The following TBL1X variants were observed in gnomAD, a reference collection of about 807,000 sequenced individuals.
TBL1X encodes transducin beta like 1 X-linked.
In TBL1X, 10 loss-of-function variants were observed where a neutral mutation model predicts 50.7. That is an observed-to-expected ratio of 0.20 (90% CI 0.12 to 0.33). The LOEUF is 0.33. TBL1X is among the 10% of genes least tolerant of loss of function. TBL1X has a pLI of 1.00. For missense variants in TBL1X, 340 were observed against 504.4 expected (o/e 0.67, Z 3.12); for synonymous variants, 190 against 214.7 (o/e 0.88, Z 1.01).
At chrX:9,555,935 C>T (rs1464486467) in intron 2 of TBL1X, among the ~76,000 whole-genome samples, 1 of 111,443 alleles carries the variant, frequency 9.0e-6, no homozygotes, top group East Asian at 2.8e-4. Flanking sequence ...CACTTGGAAT[C>T]CCAGCACTTT....
chrX:9,686,193 C>T (rs1369082757), intron 6 of TBL1X, among the ~76,000 whole-genome samples: 2 of 111,830 alleles, frequency 1.8e-5, no homozygotes, highest in Admixed American at 1.9e-4. Context: ...CACTGCAAAA[C>T]ACACACGTGT....
chrX:9,566,456 G>A (rs918946199), intron 2 of TBL1X, among the ~76,000 whole-genome samples: 13 of 111,693 alleles, frequency 1.2e-4, no homozygotes, highest in Non-Finnish European at 2.1e-4. Context: ...CAAATGAAGC[G>A]GTTTGGAATC....
intron 2 of TBL1X, among the ~76,000 whole-genome samples, chrX:9,531,396 T>TGTTG (rs2082160779): frequency 9.5e-6 from 1 of 105,089 alleles, no homozygotes; most frequent in African/African-American, 3.7e-5. Flanking sequence ...TGTGTGTGTG[T>TGTTG]GTGTGTTGGT....
intron 2 of TBL1X, among the ~76,000 whole-genome samples, chrX:9,567,308 C>T (rs2082356282): frequency 9.0e-6 from 1 of 111,263 alleles, no homozygotes. Context: ...CAGGGAAGAC[C>T]CTGGCCTCCT....
At chrX:9,665,815 C>T (rs1461100473) in intron 5 of TBL1X, among the ~76,000 whole-genome samples, 1 of 108,077 alleles carries the variant, frequency 9.3e-6, no homozygotes, top group Non-Finnish European at 1.9e-5. Context: ...GGCTCTGTTC[C>T]GTGTTACCTG....
intron 2 of TBL1X, among the ~76,000 whole-genome samples, chrX:9,505,554 T>A (rs1392340931): frequency 9.0e-6 from 1 of 111,495 alleles, no homozygotes; most frequent in African/African-American, 3.3e-5. Flanking sequence ...AGGAGACCCA[T>A]CTTACATGCA....
chrX:9,616,558 G>T (rs1037811460), intron 2 of TBL1X, among the ~76,000 whole-genome samples: 1 of 111,846 alleles, frequency 8.9e-6, no homozygotes, highest in African/African-American at 3.3e-5. Context: ...ACTCACGCAG[G>T]TTGAATGGAG....
At position 9,550,969 on chromosome X, in the gene TBL1X, C is replaced by T. The variant is rs184152162; in HGVS notation, c.-131+49120C>T. 3.6e-5 allele frequency among the ~76,000 whole-genome samples: 4 copies of T among 111,355 alleles called. No individual in the cohort carries two copies. In the East Asian group the frequency reaches 8.5e-4, roughly 24 times the overall value. On this transcript the variant is annotated intron_variant, in intron 2 of 17. Coordinates refer to ENST00000645353, the MANE Select transcript of TBL1X (RefSeq NM_005647.4). ...CTACAGTGTGCAGGACAGCCCCCCC[C>T]CAACCAAGAATGATTTAGCCCCAGA... is the stretch of plus-strand genomic sequence containing the variant.
At chrX:9,560,585 C>T (rs184706202) in intron 2 of TBL1X, 48 of 109,786 alleles carry the variant, frequency 4.4e-4, no homozygotes, top group Admixed American at 1.2e-3. Flanking sequence ...GCCATTGTAG[C>T]AGAGAGTTGT....
chrX:9,631,292 G>A (rs186934069), intron 2 of TBL1X, among the ~76,000 whole-genome samples: 58 of 111,151 alleles, frequency 5.2e-4, no homozygotes, highest in African/African-American at 1.7e-3. Context: ...CTCCTTCCTC[G>A]CACTCTTCAC....
intron 2 of TBL1X, among the ~76,000 whole-genome samples, chrX:9,632,975 A>G (rs989288211): frequency 3.6e-5 from 4 of 112,463 alleles, no homozygotes; most frequent in South Asian, 3.7e-4. Context: ...TGGCATACCC[A>G]GGGTTACCAT....
At chrX:9,675,577 T>A (rs772807621) in intron 5 of TBL1X, among the ~76,000 whole-genome samples, 2 of 111,348 alleles carry the variant, frequency 1.8e-5, no homozygotes, top group African/African-American at 3.3e-5. Flanking sequence ...ACCATGATGA[T>A]TATACATAGA....
At chrX:9,675,041 G>C (rs1344658126) in intron 5 of TBL1X, among the ~76,000 whole-genome samples, 1 of 111,770 alleles carries the variant, frequency 8.9e-6, no homozygotes, top group Non-Finnish European at 1.9e-5. Context: ...CATTTAAATA[G>C]CTATTAAATT....
intron 3 of TBL1X, among the ~76,000 whole-genome samples, chrX:9,650,376 G>A (rs773353859): frequency 2.5e-4 from 28 of 111,871 alleles, no homozygotes; most frequent in South Asian, 7.5e-4. Context: ...AAAGAGGAAA[G>A]GAGCTAGGCA....
intron 1 of TBL1X, among the ~76,000 whole-genome samples, chrX:9,500,276 C>CAA (rs386416596): frequency 0.017 from 673 of 39,633 alleles, 13 homozygotes; most frequent in Middle Eastern, 0.05. Context: ...GACCCTGTCT[C>CAA]AAAAAAAAAA....
chrX:9,472,945 G>A (rs2081827073), intron 1 of TBL1X, among the ~76,000 whole-genome samples: 1 of 110,896 alleles, frequency 9.0e-6, no homozygotes, highest in African/African-American at 3.3e-5. Context: ...AGAACTGGAG[G>A]AAAATTCAGC....
chrX:9,692,248 C>A lies in TBL1X; in HGVS notation c.885C>A (p.Asp295Glu). 1 of 1,179,045 alleles carries A rather than the reference C, an allele frequency of 8.5e-7. No individual in the cohort carries two copies. The highest frequency in any genetic ancestry group is 1.1e-6 in the Non-Finnish European group (1 of 882,346). The change falls in exon 9 of 18, where the codon GAC (aspartate) becomes GAA (glutamate). Residue 295 changes from aspartate (D) to glutamate (E), a missense_variant. Asp to Glu is a conservative substitution (Grantham distance 45). Around this residue, in one of 6 missense-constraint regions of TBL1X, gnomAD observed 170 missense variants for 272.6 expected, o/e 0.62. Transcript: ENST00000645353. ...VPSNKDVTSL[D>E]WNTNGTLLAT... ...GTAACAAAGACGTCACCTCACTGGA[C>A]TGGAATGTAAGCATCTTCCACCCCC...
intron 1 of TBL1X, among the ~76,000 whole-genome samples, chrX:9,481,070 T>C (rs944590407): frequency 3.6e-5 from 4 of 111,831 alleles, no homozygotes; most frequent in African/African-American, 1.3e-4. Flanking sequence ...CTGAAACTTT[T>C]GTCATCCACA....
intron 1 of TBL1X, among the ~76,000 whole-genome samples, chrX:9,483,299 G>C (rs752381421): frequency 2.0e-4 from 23 of 112,494 alleles, no homozygotes; most frequent in African/African-American, 7.4e-4. Flanking sequence ...GCATCTTTTA[G>C]TTTTCATACA....
Sources: allele counts gnomAD v4.1 joint callset (sites outside exome capture counted in the v4.1 genomes callset), GRCh38; gene constraint gnomAD v4.1.1; regional missense constraint gnomAD v4.1.1; transcripts MANE v1.5; gene names NCBI Gene and HGNC (gene_info 2026-07-23, HGNC 2026-07-21).